The following MACF1 variants were observed in gnomAD, a reference collection of about 807,000 sequenced individuals.
MACF1 encodes the protein microtubule-actin cross-linking factor 1.
Under a neutral mutation model 854.8 loss-of-function variants are expected in MACF1, and 193 were observed. That is an observed-to-expected ratio of 0.23 (90% CI 0.20 to 0.25). The LOEUF (loss-of-function observed/expected upper bound fraction) is 0.25, where lower values mean the gene tolerates loss of function less well. MACF1 is among the 10% of genes least tolerant of loss of function. MACF1 has a pLI of 1.00. For missense variants in MACF1, 7,722 were observed against 8,929.1 expected (o/e 0.86, Z 5.45); for synonymous variants, 3,185 against 3,226.7 (o/e 0.99, Z 0.44).
intron 1 of MACF1, among the ~76,000 whole-genome samples, chr1:39,225,210 C>CTTTTATCT (rs1557527961): frequency 5.7e-5 from 1 of 17,580 alleles, no homozygotes; most frequent in Non-Finnish European, 1.5e-4. Flanking sequence ...GCAAATTTTT[C>CTTTTATCT]TTTTTTCTTT....
intron 47 of MACF1, 120 bp from the exon 48 acceptor site, chr1:39,360,673 T>TAAA: frequency 3.9e-6 from 1 of 254,836 alleles, no homozygotes; most frequent in Non-Finnish European, 6.6e-6. Flanking sequence ...CACATCCATA[T>TAAA]AATAATAATA....
chr1:39,130,351 C>T (rs1642967923), intron 2 of MACF1, among the ~76,000 whole-genome samples: 1 of 152,200 alleles, frequency 6.6e-6, no homozygotes, highest in South Asian at 2.1e-4. Flanking sequence ...AATAACAATA[C>T]TAAATGACCT....
intron 58 of MACF1, among the ~76,000 whole-genome samples, chr1:39,405,175 G>A (rs868814830): frequency 2.6e-5 from 4 of 151,998 alleles, no homozygotes; most frequent in Admixed American, 6.6e-5. Flanking sequence ...AGCAAACTTC[G>A]TGTCATGCTA....
In MACF1 at chr1:39,084,826, GCTGT is replaced by G. The variant is rs895360194; in HGVS notation, c.220+391_220+394del. Among the ~76,000 whole-genome samples, 8 of 152,010 alleles carry G rather than the reference GCTGT, an allele frequency of 5.3e-5. No individual in the cohort carries two copies. The highest frequency in any genetic ancestry group is 3.9e-4 in the East Asian group (2 of 5,190). Reference sequence around the variant, plus strand: ...GACTTTATGGTTACCATTTCTAAAAGCTGTCTATTTCATGACTTTCTAAATCCTA... The same window carrying G: ...GACTTTATGGTTACCATTTCTAAAAGCTATTTCATGACTTTCTAAATCCTA... On this transcript the variant is annotated intron_variant, in intron 2 of 93. Transcript: ENST00000361689. This position sits in a 1 kb window ranked among gnomAD's most constrained non-coding sequence, Gnocchi z 5.2.
At chr1:39,312,162 T>G (rs929275006) in intron 26 of MACF1, among the ~76,000 whole-genome samples, 16 of 152,140 alleles carry the variant, frequency 1.1e-4, no homozygotes, top group Non-Finnish European at 2.1e-4. Flanking sequence ...AGTTTGAGGC[T>G]TCAGTTAGCT....
At chr1:39,197,911 A>G (rs1351122550) in intron 2 of MACF1, among the ~76,000 whole-genome samples, 1 of 152,078 alleles carries the variant, frequency 6.6e-6, no homozygotes, top group Admixed American at 6.5e-5. Context: ...GAAATGGTGG[A>G]CAGATGCCAA....
chr1:39,091,267 A>T (rs1391480806), intron 2 of MACF1, among the ~76,000 whole-genome samples: 1 of 151,524 alleles, frequency 6.6e-6, no homozygotes, highest in Non-Finnish European at 1.5e-5. Context: ...TCATGTGCTC[A>T]CTCTTCCATT....
At chr1:39,362,127 G>T (rs1209520274) in intron 49 of MACF1, among the ~76,000 whole-genome samples, 1 of 152,178 alleles carries the variant, frequency 6.6e-6, no homozygotes, top group Admixed American at 6.5e-5. Flanking sequence ...GAAATATTTG[G>T]TAAAAGTATT....
intron 58 of MACF1, among the ~76,000 whole-genome samples, chr1:39,390,097 T>C (rs540973395): frequency 6.6e-6 from 1 of 152,340 alleles, no homozygotes; most frequent in Admixed American, 6.5e-5. Context: ...TATTAACCTG[T>C]TGCCCCTAGA....
chr1:39,411,074 G>T (rs773762243), intron 58 of MACF1: 20 of 1,613,500 alleles, frequency 1.2e-5, no homozygotes, highest in Admixed American at 5.0e-5. Flanking sequence ...GCTAAGGGAG[G>T]CTTCAGTGAG....
At chr1:39,207,283 T>TC (rs1644461822) in intron 1 of MACF1, among the ~76,000 whole-genome samples, 1 of 143,942 alleles carries the variant, frequency 6.9e-6, no homozygotes, top group African/African-American at 2.5e-5. Context: ...TCTTTCTTTC[T>TC]TTTTTTTTTT....
chr1:39,110,002 A>G (rs1488916022), intron 2 of MACF1, among the ~76,000 whole-genome samples: 1 of 152,196 alleles, frequency 6.6e-6, no homozygotes, highest in Non-Finnish European at 1.5e-5. Context: ...TATAAATCAC[A>G]TTGAAATTTT....
intron 58 of MACF1, among the ~76,000 whole-genome samples, chr1:39,406,206 C>T (rs1335056947): frequency 6.6e-6 from 1 of 152,032 alleles, no homozygotes; most frequent in Non-Finnish European, 1.5e-5. Flanking sequence ...AATTTGTTTT[C>T]CTAACACCCT....
chr1:39,460,144 A>ACACATTGATACAAC lies in MACF1; in HGVS notation c.21361-488_21361-487insCACATTGATACAAC. On this transcript the variant is annotated intron_variant, in intron 91 of 100. Coordinates refer to ENST00000564288, the MANE Select transcript of MACF1 (RefSeq NM_001394062.1). The surrounding 1 kb of genome is among the most constrained non-coding windows in gnomAD (Gnocchi z 4.1). ...TGCTTGGATACAACATTGGGTTCCCAATGCTTCCATCCAGAACTCAGATTT... is the reference window on the plus strand; with the variant it reads ...TGCTTGGATACAACATTGGGTTCCCACACATTGATACAACATGCTTCCATCCAGAACTCAGATTT... Among the ~76,000 whole-genome samples, 1 of 152,332 alleles carries ACACATTGATACAAC rather than the reference A, an allele frequency of 6.6e-6. No individual in the cohort carries two copies. The highest frequency in any genetic ancestry group is 1.9e-4 in the East Asian group (1 of 5,190).
intron 2 of MACF1, among the ~76,000 whole-genome samples, chr1:39,171,511 T>C (rs767365983): frequency 6.6e-6 from 1 of 152,242 alleles, no homozygotes; most frequent in Non-Finnish European, 1.5e-5. Context: ...GGATATTTTA[T>C]ATAAATTTAG....
chr1:39,087,355 C>T (rs1037633912), intron 2 of MACF1, among the ~76,000 whole-genome samples: 5 of 152,226 alleles, frequency 3.3e-5, no homozygotes, highest in Admixed American at 6.5e-5. Context: ...CTTAGGGCCT[C>T]GCCCTTGCTT....
chr1:39,436,625 G>A, intron 70 of MACF1: 1 of 820,118 alleles, frequency 1.2e-6, no homozygotes, highest in South Asian at 1.6e-5. Flanking sequence ...AGTTTCATTT[G>A]GGGTGGAACC....
Position 39,385,505 on chromosome 1 carries a change from A to G in MACF1, c.13920A>G (p.Leu4640=), listed in dbSNP as rs1252994593. The G allele has an allele frequency of 6.2e-7, 1 of 1,614,084 alleles. No homozygotes were observed. The highest frequency in any genetic ancestry group is 1.3e-5 in the African/African-American group (1 of 74,944). Residue 4640 remains leucine, a synonymous_variant, in exon 57 of 101, where the codon CTA becomes CTG. Transcript: ENST00000564288. Reference sequence around the variant, plus strand: ...TGAATGAGGCAGCTCAGGGCATCCTAACAGGCCCTGGAGATGTCTCTCTGT... The same window carrying G: ...TGAATGAGGCAGCTCAGGGCATCCTGACAGGCCCTGGAGATGTCTCTCTGT... The part of the protein sequence containing the change: ...EQLNEAAQGI[L]TGPGDVSLST...
intron 2 of MACF1, among the ~76,000 whole-genome samples, chr1:39,244,704 C>T: frequency 6.6e-6 from 1 of 152,012 alleles, no homozygotes; most frequent in African/African-American, 2.4e-5. Context: ...TCATCCTCCC[C>T]AGTAGCTAGG....
Sources: allele counts gnomAD v4.1 joint callset (sites outside exome capture counted in the v4.1 genomes callset), GRCh38; gene constraint gnomAD v4.1.1; non-coding constraint Gnocchi (gnomAD v3.1); transcripts MANE v1.5; gene names NCBI Gene and HGNC (gene_info 2026-07-23, HGNC 2026-07-21).